Variants in STX18 observed in about 807,000 individuals in gnomAD.
STX18 encodes syntaxin 18.
In STX18, 40 loss-of-function variants were observed where a neutral mutation model predicts 50.1. The ratio of observed to expected loss-of-function variants is 0.80; its 90% confidence interval spans 0.62 to 1.04. The LOEUF (loss-of-function observed/expected upper bound fraction) is 1.04. Ranked by LOEUF, STX18 falls within the 50% of genes least tolerant of loss-of-function variation. The pLI is 0.00. For synonymous variants in STX18, 158 were observed against 151.8 expected, an observed-to-expected ratio of 1.04 and a Z score of -0.30; for missense variants, 410 against 415.8, an observed-to-expected ratio of 0.99 and a Z score of 0.12.
At position 4,434,860 on chromosome 4, in the gene STX18, T is replaced by C; in HGVS notation, c.614-2A>G. 6.3e-7 allele frequency: 1 copy of C among 1,597,654 alleles called. No homozygotes were observed. The highest frequency in any genetic ancestry group is 8.5e-7 in the Non-Finnish European group (1 of 1,175,460). ...GTTGTGTTTCAGCCAAAATTTTTTC[T>C]GTTAAAAAAAAAATTGAAAATAGAA... On this transcript the variant is annotated splice_acceptor_variant, in intron 6 of 10. Transcript: ENST00000306200. LOFTEE classifies it high-confidence loss of function.
At chr4:4,437,214 C>T (rs1445610640) in intron 6 of STX18, among the ~76,000 whole-genome samples, 1 of 152,156 alleles carries the variant, frequency 6.6e-6, no homozygotes, top group Non-Finnish European at 1.5e-5. Context: ...CCTTGGCCTC[C>T]CAAAGTGCTG....
intron 1 of STX18, among the ~76,000 whole-genome samples, chr4:4,473,249 T>G (rs139266416): frequency 7.2e-4 from 109 of 151,662 alleles, no homozygotes; most frequent in Middle Eastern, 6.9e-3. Context: ...TGCCTTACAA[T>G]CCTGTTCCTG....
intron 1 of STX18, among the ~76,000 whole-genome samples, chr4:4,520,643 G>C (rs560552223): frequency 1.4e-4 from 21 of 152,122 alleles, no homozygotes; most frequent in Non-Finnish European, 2.1e-4. Flanking sequence ...TGTTCAGACA[G>C]TCTAGCTGGC....
intron 1 of STX18, among the ~76,000 whole-genome samples, chr4:4,513,331 CAGTAGA>C (rs147312488): frequency 0.018 from 2,705 of 152,274 alleles, 69 homozygotes; most frequent in African/African-American, 0.05. Flanking sequence ...TGGGATCTTC[CAGTAGA>C]AGTAGACTCA....
intron 1 of STX18, among the ~76,000 whole-genome samples, chr4:4,497,668 T>C (rs149271169): frequency 2.0e-5 from 3 of 152,294 alleles, no homozygotes; most frequent in East Asian, 1.9e-4. Context: ...AGCTAGTACA[T>C]AGCAGAACTG....
chr4:4,442,521 G>C (rs1322457741), intron 5 of STX18, among the ~76,000 whole-genome samples: 1 of 152,142 alleles, frequency 6.6e-6, no homozygotes, highest in East Asian at 1.9e-4. Flanking sequence ...GGAGGCTGAG[G>C]TGGGAGAATT....
At chr4:4,445,698 C>G (rs1726358918) in intron 5 of STX18, among the ~76,000 whole-genome samples, 1 of 151,852 alleles carries the variant, frequency 6.6e-6, no homozygotes, top group African/African-American at 2.4e-5. Context: ...AAGTGGAAGA[C>G]AGAAATAAAT....
chr4:4,499,433 A>G (rs532598189), intron 1 of STX18: 17 of 899,068 alleles, frequency 1.9e-5, no homozygotes, highest in Non-Finnish European at 2.3e-5. Flanking sequence ...AAAGAAAACC[A>G]TACTGTGCTC....
chr4:4,541,707 CT>C, intron 1 of STX18, 89 bp downstream of exon 1: 1 of 1,461,904 alleles, frequency 6.8e-7, no homozygotes, highest in South Asian at 1.3e-5. Flanking sequence ...TCACACAATG[CT>C]TACGGGACGG....
chr4:4,465,652 A>G (rs1727586349), intron 2 of STX18, among the ~76,000 whole-genome samples: 1 of 152,162 alleles, frequency 6.6e-6, no homozygotes, highest in Non-Finnish European at 1.5e-5. Flanking sequence ...AAGAATAGCT[A>G]ATGGATGCTG....
At chr4:4,478,947 T>C (rs1728328273) in intron 1 of STX18, 1 of 152,750 alleles carries the variant, frequency 6.5e-6, no homozygotes, top group Non-Finnish European at 1.5e-5. Context: ...CTGACTCCTG[T>C]ATTTTTCTTT....
At chr4:4,499,036 G>C (rs1015853595) in intron 1 of STX18, among the ~76,000 whole-genome samples, 14 of 152,192 alleles carry the variant, frequency 9.2e-5, no homozygotes, top group Admixed American at 6.5e-4. Flanking sequence ...AGCTGAAAGT[G>C]CCACTTCTTA....
At chr4:4,523,333 T>C (rs1318320849) in intron 1 of STX18, among the ~76,000 whole-genome samples, 1 of 152,120 alleles carries the variant, frequency 6.6e-6, no homozygotes, top group African/African-American at 2.4e-5. Flanking sequence ...TTCTTCTGAC[T>C]TGAAATTCCC....
At chr4:4,478,064 C>T (rs1418702971) in intron 1 of STX18, 11 of 152,148 alleles carry the variant, frequency 7.2e-5, no homozygotes, top group African/African-American at 2.4e-4. Context: ...TGGCATTGAT[C>T]ACAGATCTGT....
At chr4:4,538,114 A>C (rs1178670984) in intron 1 of STX18, among the ~76,000 whole-genome samples, 1 of 151,752 alleles carries the variant, frequency 6.6e-6, no homozygotes, top group Non-Finnish European at 1.5e-5. Flanking sequence ...AAAAAAAAAA[A>C]ACCACAAACA....
chr4:4,511,713 A>AGTGTGTGTGT lies in STX18; in HGVS notation c.168+30074_168+30083dup, dbSNP rs3038434. Among the ~76,000 whole-genome samples, 1,184 of 137,462 alleles carry AGTGTGTGTGT rather than the reference A, an allele frequency of 8.6e-3. 9 individuals carry two copies. The highest frequency in any genetic ancestry group is 0.015 in the Admixed American group (210 of 13,768). 90.2% of individuals were successfully genotyped at this position (137,462 alleles called of 152,430 possible). On this transcript the variant is annotated intron_variant, in intron 1 of 10. Transcript: ENST00000306200. The stretch of plus-strand genomic sequence containing the variant: ...CAATCACCAAACAACACTCATGATT[A>AGTGTGTGTGT]GTGTGTGTGTGTGTGTGTGTGTGTG...
At chr4:4,446,237 C>T (rs1208868010) in intron 5 of STX18, among the ~76,000 whole-genome samples, 1 of 151,948 alleles carries the variant, frequency 6.6e-6, no homozygotes, top group Admixed American at 6.6e-5. Flanking sequence ...AAACATACCA[C>T]CCAGAATCAT....
intron 7 of STX18, among the ~76,000 whole-genome samples, chr4:4,427,056 A>T (rs1361447768): frequency 1.3e-5 from 2 of 152,078 alleles, no homozygotes; most frequent in Non-Finnish European, 2.9e-5. Context: ...TGGCTCTTCA[A>T]GGACATTTCT....
At chr4:4,535,207 G>T (rs777710201) in intron 1 of STX18, among the ~76,000 whole-genome samples, 1 of 152,166 alleles carries the variant, frequency 6.6e-6, no homozygotes, top group Admixed American at 6.5e-5. Context: ...TCAAAGAACA[G>T]GTTAATATGC....
Sources: gnomAD v4.1 joint callset for allele counts (sites outside exome capture counted in the v4.1 genomes callset) on GRCh38, gnomAD v4.1.1 for gene constraint, MANE v1.5 for transcripts, NCBI Gene and HGNC (gene_info 2026-07-23, HGNC 2026-07-21) for gene names.